The following NEMP1 variants were observed in gnomAD, a reference collection of about 807,000 sequenced individuals.
NEMP1 encodes the protein transmembrane protein 194.
Under a neutral mutation model 53.7 loss-of-function variants are expected in NEMP1, and 29 were observed. That is an observed-to-expected ratio of 0.54 (90% confidence interval 0.40 to 0.74). The LOEUF (loss-of-function observed/expected upper bound fraction) is 0.74, where lower values mean the gene tolerates loss of function less well. Among genes scored for constraint, NEMP1 ranks in the 30% least tolerant of loss-of-function variants. NEMP1 has a pLI of 0.00. For missense variants in NEMP1, 477 were observed against 528.6 expected (o/e 0.90, Z 0.96); for synonymous variants, 193 against 192.9 (o/e 1.00, Z 0.00).
intron 7 of NEMP1, among the ~76,000 whole-genome samples, chr12:57,062,715 A>G (rs1327596275): frequency 1.3e-5 from 2 of 149,170 alleles, no homozygotes; most frequent in Non-Finnish European, 3.0e-5. Context: ...GTGGTGGCGC[A>G]TGCCTGTAAT....
rs778191496 is a variant in NEMP1, at chr12:57,078,730, T to C, written c.16A>G (p.Lys6Glu). 6.2e-7 allele frequency: 1 copy of C among 1,612,282 alleles called. No individual in the cohort carries two copies. The highest frequency in any genetic ancestry group is 1.1e-5 in the South Asian group (1 of 90,906). MAGGM[K>E]VAVSPAVGPG... ...CCAACTGCCGGCGAGACCGCCACTT[T>C]CATTCCTCCCGCCATGGTTGCCTCA... The change falls in exon 1 of 9, where the codon AAA becomes GAA. Residue 6 changes from lysine (K) to glutamate (E), a missense_variant. Transcript: ENST00000300128.
intron 1 of NEMP1, among the ~76,000 whole-genome samples, chr12:57,076,975 GA>G (rs943877779): frequency 6.6e-6 from 1 of 150,712 alleles, no homozygotes; most frequent in African/African-American, 2.4e-5. Flanking sequence ...GGGGGGTGGA[GA>G]AAAAAAATTA....
chr12:57,064,662 G>T lies in NEMP1; in HGVS notation c.623C>A (p.Ser208Tyr), dbSNP rs1227468307. The T allele has an allele frequency of 1.9e-6, 3 of 1,611,580 alleles. No homozygotes were observed. In the Admixed American group the frequency reaches 5.0e-5, roughly 27 times the overall value. The change falls in exon 5 of 9, where the codon TCT (serine) becomes TAT (tyrosine). Residue 208 changes from serine (S) to tyrosine (Y), a missense_variant. Physicochemically the swap from Ser to Tyr is moderately radical, Grantham distance 144. Coordinates refer to ENST00000300128, the MANE Select transcript of NEMP1 (RefSeq NM_001130963.2). ...GATACTTACCTTAGGCATAAACTTAGATAGTATAAAAATGATGATTAGCAG... is the reference window on the plus strand; with the variant it reads ...GATACTTACCTTAGGCATAAACTTATATAGTATAAAAATGATGATTAGCAG... ...ASLLIIIFIL[S>Y]KFMPKKSPIY... is the part of the protein sequence containing the mutation.
chr12:57,063,457 G>C, intron 6 of NEMP1, 113 bp from the exon 7 acceptor site: 1 of 779,604 alleles, frequency 1.3e-6, no homozygotes. Flanking sequence ...TAGGAAATCA[G>C]ATTTTTACTT....
intron 1 of NEMP1, among the ~76,000 whole-genome samples, chr12:57,075,966 T>C (rs1248622471): frequency 6.6e-6 from 1 of 151,784 alleles, no homozygotes; most frequent in African/African-American, 2.4e-5. Context: ...TACCCGGGCA[T>C]GGTGGCACAC....
chr12:57,062,870 A>C (rs1207890335), intron 7 of NEMP1, among the ~76,000 whole-genome samples: 2 of 152,102 alleles, frequency 1.3e-5, no homozygotes, highest in Non-Finnish European at 2.9e-5. Context: ...AATTTGCACC[A>C]CCTTGTGGTA....
At chr12:57,068,116 C>T (rs1030528445) in intron 4 of NEMP1, among the ~76,000 whole-genome samples, 2 of 152,088 alleles carry the variant, frequency 1.3e-5, no homozygotes, top group African/African-American at 4.8e-5. Flanking sequence ...CTGTTTCTCT[C>T]AGCATCACCA....
intron 4 of NEMP1, among the ~76,000 whole-genome samples, 193 bp from the exon 5 acceptor site, chr12:57,064,932 A>C (rs1353676254): frequency 1.3e-5 from 2 of 152,244 alleles, no homozygotes; most frequent in African/African-American, 4.8e-5. Flanking sequence ...TAAGTAAGTC[A>C]CACAAATTTT....
At chr12:57,071,331 G>A (rs544413395) in intron 2 of NEMP1, among the ~76,000 whole-genome samples, 3 of 152,150 alleles carry the variant, frequency 2.0e-5, no homozygotes, top group Non-Finnish European at 2.9e-5. Context: ...CTGATTATGA[G>A]TAAATGTTGG....
In NEMP1 at chr12:57,072,817, T is replaced by G. The variant is rs61744355; in HGVS notation, c.223A>C (p.Lys75Gln). Residue 75 changes from lysine to glutamine, a missense_variant, in exon 2 of 9, where the codon AAA (lysine) becomes CAA (glutamine). Transcript: ENST00000300128. ...ATCCGTGTCCATATATCATGCCATT[T>G]TGGGATAAGCACATTTGTGTAACAG... is the stretch of plus-strand genomic sequence containing the variant. ...QFCYTNVLIP[K>Q]WHDIWTRIQI... The G allele has an allele frequency of 9.2e-4, 1,490 of 1,612,502 alleles. 8 individuals are homozygous for G. In the African/African-American group the frequency reaches 0.012, roughly 13 times the overall value.
intron 4 of NEMP1, among the ~76,000 whole-genome samples, chr12:57,068,860 C>G (rs1304219350): frequency 6.6e-6 from 1 of 152,140 alleles, no homozygotes; most frequent in Non-Finnish European, 1.5e-5. Context: ...GCCACCGTAC[C>G]CAGAAGCTAT....
chr12:57,075,500 C>CAATAAATAAATAAATAAATA (rs71084729), intron 1 of NEMP1, among the ~76,000 whole-genome samples: 1 of 144,680 alleles, frequency 6.9e-6, no homozygotes, highest in Non-Finnish European at 1.5e-5. Context: ...ATCTCAATAT[C>CAATAAATAAATAAATAAATA]AATAAATAAA....
At chr12:57,064,027 A>G (rs760657694) in intron 6 of NEMP1, 44 bp downstream of exon 6, 3 of 1,146,358 alleles carry the variant, frequency 2.6e-6, no homozygotes, top group Non-Finnish European at 3.8e-6. Flanking sequence ...TAACTGAAAC[A>G]GCCTATAAAC....
chr12:57,077,992 G>T (rs1282323783), intron 1 of NEMP1, among the ~76,000 whole-genome samples: 1 of 152,126 alleles, frequency 6.6e-6, no homozygotes, highest in Non-Finnish European at 1.5e-5. Context: ...TGAAGCAGGA[G>T]AATTGCTTGA....
In NEMP1 at chr12:57,058,956, C is replaced by T. The variant is rs2031661813; in HGVS notation, c.*923G>A. 1 of 152,152 alleles carries T rather than the reference C, an allele frequency of 6.6e-6. No homozygotes were observed. The allele number at this position is 152,152 out of a possible 1,614,324, so 9.4% of individuals were successfully genotyped here. A position where few individuals can be genotyped will look rare whatever the true frequency, so the allele number is the denominator to read the frequency against. On this transcript the variant is annotated 3_prime_UTR_variant, in exon 9 of 9. Transcript: ENST00000300128. Reference sequence around the variant, plus strand: ...ATAAAAAGCATCCAAATCCCCTAAACAAGATGACTTCTCCTAGCTAGCAGG... The same window carrying T: ...ATAAAAAGCATCCAAATCCCCTAAATAAGATGACTTCTCCTAGCTAGCAGG...
intron 1 of NEMP1, among the ~76,000 whole-genome samples, chr12:57,087,579 G>T (rs1269524948): frequency 6.6e-6 from 1 of 151,980 alleles, no homozygotes; most frequent in African/African-American, 2.4e-5. Context: ...CACCCCCACT[G>T]TGTTTGGCGC....
chr12:57,078,737 T>C lies in NEMP1; in HGVS notation c.9A>G (p.Gly3=), dbSNP rs1209490330. The C allele has an allele frequency of 3.1e-6, 5 of 1,611,358 alleles. No individual in the cohort carries two copies. Among genetic ancestry groups the C allele is most frequent in the Non-Finnish European group, 4.2e-6 (5 of 1,178,432 alleles). The change falls in exon 1 of 9, where the codon GGA becomes GGG. Residue 3 remains glycine, a synonymous_variant. Transcript: ENST00000300128. ...CCGGCGAGACCGCCACTTTCATTCC[T>C]CCCGCCATGGTTGCCTCAAGCCACC... MA[G]GMKVAVSPAV...
Position 57,087,711 on chromosome 12 carries a change from C to T in NEMP1, n.113+240G>A, listed in dbSNP as rs3759136. On this transcript the variant is annotated intron_variant and non_coding_transcript_variant, in intron 1 of 2. Transcript: ENST00000553654. ...CTAGGCCACATTGTAAAACCAGCCC[C>T]GGTCCACGGCCTCCACGCCCCGCCA... is the stretch of plus-strand genomic sequence containing the variant. Among the ~76,000 whole-genome samples, 103 of 152,280 alleles carry T rather than the reference C, an allele frequency of 6.8e-4. 2 individuals carry two copies. In the East Asian group the frequency reaches 0.014, roughly 21 times the overall value.
Position 57,058,038 on chromosome 12 carries a change from A to G in NEMP1, c.*1841T>C, listed in dbSNP as rs553260193. Reference sequence around the variant, plus strand: ...AGAGAGAGAACATTTTACCATGTACATAATTCACAAGGGTATAAAGGTTTC... The same window carrying G: ...AGAGAGAGAACATTTTACCATGTACGTAATTCACAAGGGTATAAAGGTTTC... On this transcript the variant is annotated 3_prime_UTR_variant, in exon 9 of 9. Coordinates refer to ENST00000300128, the MANE Select transcript of NEMP1 (RefSeq NM_001130963.2). 4.5e-4 allele frequency: 68 copies of G among 152,394 alleles called. No homozygotes were observed. The highest frequency in any genetic ancestry group is 1.6e-3 in the African/African-American group (66 of 41,602). 9.4% of individuals were successfully genotyped at this position (152,394 alleles called of 1,614,324 possible).
Sources: allele counts gnomAD v4.1 joint callset (sites outside exome capture counted in the v4.1 genomes callset), GRCh38; gene constraint gnomAD v4.1.1; transcripts MANE v1.5; gene names NCBI Gene and HGNC (gene_info 2026-07-23, HGNC 2026-07-21).